PLPPR5: variants seen among roughly 807,000 people sequenced by gnomAD.
The protein encoded by PLPPR5 is phospholipid phosphatase related 5.
PLPPR5 carries 16 observed loss-of-function variants against 33.9 expected under a neutral mutation model. The ratio of observed to expected loss-of-function variants is 0.47; its 90% CI spans 0.32 to 0.72. PLPPR5 has a LOEUF of 0.72. PLPPR5 is among the 30% of genes least tolerant of loss of function. PLPPR5 has a pLI of 0.03. For missense variants in PLPPR5, 301 were observed against 406.7 expected, an observed-to-expected ratio of 0.74 and a Z score of 2.23; for synonymous variants, 163 against 150.3, an observed-to-expected ratio of 1.08 and a Z score of -0.62.
At chr1:98,985,341 C>A (rs1195586200) in intron 1 of PLPPR5, among the ~76,000 whole-genome samples, 1 of 152,032 alleles carries the variant, frequency 6.6e-6, no homozygotes, top group East Asian at 1.9e-4. Context: ...AACAGAGTCA[C>A]GTGCTGCATA....
rs573107361 is a variant in PLPPR5 at position 98,939,420 on chromosome 1, T to A, written c.621+13650A>T. On this transcript the variant is annotated intron_variant, in intron 3 of 5. Coordinates refer to ENST00000263177, the MANE Select transcript of PLPPR5 (RefSeq NM_001037317.2). ...AAAAGGGGACCAGCCTTAATCCAGG[T>A]TGCTAAGGTAAAAAGAATTTTTTTC... 2.0e-5 allele frequency among the ~76,000 whole-genome samples: 3 copies of A among 151,816 alleles called. No homozygotes were observed. The East Asian group carries it at 5.8e-4, about 29-fold the overall frequency.
intron 1 of PLPPR5, among the ~76,000 whole-genome samples, chr1:98,977,535 G>A (rs1027486010): frequency 1.4e-5 from 2 of 147,116 alleles, no homozygotes; most frequent in Non-Finnish European, 3.0e-5. Flanking sequence ...TTTGATCTAG[G>A]ATGCTATGAT....
Position 98,953,066 on chromosome 1 carries a change from T to G in PLPPR5, c.621+4A>C. ...AAGACAACAAATTTATAATCCTTAC[T>G]TACGGTCAGATACATAGCTGCATAG... On this transcript the variant is annotated splice_donor_region_variant and intron_variant, in intron 3 of 5. Transcript: ENST00000263177. 1 of 1,613,976 alleles carries G rather than the reference T, an allele frequency of 6.2e-7. No homozygotes were observed. The highest frequency in any genetic ancestry group is 8.5e-7 in the Non-Finnish European group (1 of 1,179,934).
At chr1:98,935,125 G>A (rs1029393730) in intron 3 of PLPPR5, among the ~76,000 whole-genome samples, 1 of 152,096 alleles carries the variant, frequency 6.6e-6, no homozygotes, top group African/African-American at 2.4e-5. Flanking sequence ...AGTGCAAAAT[G>A]AAAATGAATG....
chr1:98,957,875 C>G (rs528392900), intron 1 of PLPPR5, among the ~76,000 whole-genome samples: 7 of 152,282 alleles, frequency 4.6e-5, no homozygotes, highest in Non-Finnish European at 1.0e-4. Flanking sequence ...ATTAAAGGAC[C>G]TGGCTATCTT....
At chr1:98,908,659 G>C (rs1649000787) in intron 5 of PLPPR5, among the ~76,000 whole-genome samples, 1 of 152,126 alleles carries the variant, frequency 6.6e-6, no homozygotes, top group Non-Finnish European at 1.5e-5. Flanking sequence ...GGGGTTTGTG[G>C]ATCCTGTAAA....
chr1:98,948,378 G>C (rs974463218), intron 3 of PLPPR5, among the ~76,000 whole-genome samples: 1 of 152,140 alleles, frequency 6.6e-6, no homozygotes, highest in African/African-American at 2.4e-5. Context: ...ATGAGGAAGG[G>C]GAGAGAGGGA....
rs577213784 is a variant in PLPPR5 at position 98,970,849 on chromosome 1, A to G, written c.238-14108T>C. Among the ~76,000 whole-genome samples, 4 of 152,184 alleles carry G rather than the reference A, an allele frequency of 2.6e-5. No homozygotes were observed. In the South Asian group the frequency reaches 8.3e-4, roughly 32 times the overall value. On this transcript the variant is annotated intron_variant, in intron 1 of 5. Coordinates refer to ENST00000263177, the MANE Select transcript of PLPPR5 (RefSeq NM_001037317.2). The stretch of plus-strand genomic sequence containing the variant: ...CACTTTATGAGATACATATTAACCT[A>G]CTTTATCACTCAATGTCAAACTTGA...
rs1439269594 is a variant in PLPPR5 at position 98,891,293 on chromosome 1, T to C, written c.*1779A>G. The C allele has an allele frequency of 6.6e-6, 1 of 152,054 alleles. No individual in the cohort carries two copies. The highest frequency in any genetic ancestry group is 1.5e-5 in the Non-Finnish European group (1 of 68,008). 9.4% of individuals were successfully genotyped at this position (152,054 alleles called of 1,614,324 possible). On this transcript the variant is annotated 3_prime_UTR_variant, in exon 6 of 6. Transcript: ENST00000263177. ...GTGATAGAAATGGGCAAATAACATCTATTTGGGGAGTAATGGACAATCTTT... is the reference window on the plus strand; with the variant it reads ...GTGATAGAAATGGGCAAATAACATCCATTTGGGGAGTAATGGACAATCTTT...
chr1:98,951,870 G>A (rs974257368), intron 3 of PLPPR5, among the ~76,000 whole-genome samples: 18 of 152,192 alleles, frequency 1.2e-4, no homozygotes, highest in African/African-American at 3.4e-4. Context: ...ATTTGGTTTC[G>A]AATTGGTCCT....
Position 98,953,165 on chromosome 1 carries a change from C to T in PLPPR5, c.526G>A (p.Ala176Thr), listed in dbSNP as rs1205424759. ...ATGAGATCTGGGTTGCCAGTACAGGCCTCTTCCCCACTGATGAATTGTGTA... is the reference window on the plus strand; with the variant it reads ...ATGAGATCTGGGTTGCCAGTACAGGTCTCTTCCCCACTGATGAATTGTGTA... ...QYTQFISGEE[A>T]CTGNPDLIMR... Residue 176 changes from alanine (A) to threonine (T), a missense_variant, in exon 3 of 6, where the codon GCC becomes ACC. By Grantham distance (58) the Ala-to-Thr change is moderately conservative. Coordinates refer to ENST00000263177, the MANE Select transcript of PLPPR5 (RefSeq NM_001037317.2). 2 of 1,614,078 alleles carry T rather than the reference C, an allele frequency of 1.2e-6. No homozygotes were observed. The highest frequency in any genetic ancestry group is 3.3e-5 in the Admixed American group (2 of 60,020).
At chr1:98,905,713 A>G (rs951975663) in intron 5 of PLPPR5, among the ~76,000 whole-genome samples, 4 of 152,096 alleles carry the variant, frequency 2.6e-5, no homozygotes, top group African/African-American at 4.8e-5. Context: ...TTATATTTAA[A>G]TGGTTTCTAT....
At chr1:98,911,186 C>T (rs1256403525) in intron 5 of PLPPR5, among the ~76,000 whole-genome samples, 1 of 152,098 alleles carries the variant, frequency 6.6e-6, no homozygotes, top group African/African-American at 2.4e-5. Flanking sequence ...ACTGTGCAGA[C>T]AGCATTCTGC....
At chr1:98,953,714 A>T (rs183724326) in intron 2 of PLPPR5, among the ~76,000 whole-genome samples, 103 of 151,888 alleles carry the variant, frequency 6.8e-4, no homozygotes, top group African/African-American at 2.4e-3. Flanking sequence ...TTTTTTGAAA[A>T]TTTTTTTATC....
chr1:98,946,608 C>T (rs1293782842), intron 3 of PLPPR5, among the ~76,000 whole-genome samples: 1 of 152,176 alleles, frequency 6.6e-6, no homozygotes, highest in Non-Finnish European at 1.5e-5. Context: ...CCAAGACTCA[C>T]CCCAAGTACC....
At chr1:98,998,927 C>T (rs1006113551) in intron 1 of PLPPR5, among the ~76,000 whole-genome samples, 2 of 152,118 alleles carry the variant, frequency 1.3e-5, no homozygotes, top group African/African-American at 2.4e-5. Flanking sequence ...GTTAAATGCA[C>T]CTAACACAGT....
Position 98,956,626 on chromosome 1 carries a change from C to G in PLPPR5, c.353G>C (p.Arg118Pro). The G allele has an allele frequency of 6.3e-7, 1 of 1,586,734 alleles. No homozygotes were observed. Among genetic ancestry groups the G allele is most frequent in the Non-Finnish European group, 8.5e-7 (1 of 1,170,690 alleles). Reference protein sequence around the residue: ...DCCYINPLVRRTVRFLGIYTF... With the variant: ...DCCYINPLVRPTVRFLGIYTF... ...ACACATACCAAGAAATCGGACAGTT[C>G]GGCGCACCAGCGGGTTTATATAGCA... Residue 118 changes from arginine (R) to proline (P), a missense_variant, in exon 2 of 6, where the codon CGA (arginine) becomes CCA (proline). Arg to Pro is a moderately radical substitution (Grantham distance 103). Coordinates refer to ENST00000263177, the MANE Select transcript of PLPPR5 (RefSeq NM_001037317.2).
intron 5 of PLPPR5, among the ~76,000 whole-genome samples, chr1:98,900,853 C>G (rs977758401): frequency 4.6e-5 from 7 of 152,210 alleles, no homozygotes; most frequent in Middle Eastern, 3.4e-3. Context: ...TCTGAATGAG[C>G]TACATCAAGA....
intron 4 of PLPPR5, among the ~76,000 whole-genome samples, chr1:98,918,072 A>G (rs975160763): frequency 6.6e-6 from 1 of 152,202 alleles, no homozygotes; most frequent in Non-Finnish European, 1.5e-5. Context: ...CACTGCATAT[A>G]TATTTTCTTT....
Sources: allele counts gnomAD v4.1 joint callset (sites outside exome capture counted in the v4.1 genomes callset), GRCh38; gene constraint gnomAD v4.1.1; transcripts MANE v1.5; gene names NCBI Gene and HGNC (gene_info 2026-07-23, HGNC 2026-07-21).